Variants in DEPDC5 observed in about 807,000 individuals in gnomAD.
DEPDC5 encodes DEP domain containing 5, GATOR1 subcomplex subunit, also known as GATOR1 complex protein DEPDC5.
Under a neutral mutation model 217.3 loss-of-function variants are expected in DEPDC5, and 73 were observed. That is an observed-to-expected ratio of 0.34 (90% CI 0.28 to 0.41). The LOEUF (loss-of-function observed/expected upper bound fraction) is 0.41. DEPDC5 is among the 10% of genes least tolerant of loss of function. The pLI is 1.00. For missense variants in DEPDC5, 1,675 were observed against 2,070.1 expected (o/e 0.81, Z 3.70); for synonymous variants, 733 against 756.7 (o/e 0.97, Z 0.51).
At chr22:31,769,241 C>G (rs2083110929) in intron 7 of DEPDC5, 1 of 134,410 alleles carries the variant, frequency 7.4e-6, no homozygotes, top group South Asian at 2.3e-4. Context: ...GCCTGGACGA[C>G]AGAGCAAAAC....
At chr22:31,771,261 G>A (rs1274805795) in intron 7 of DEPDC5, among the ~76,000 whole-genome samples, 1 of 152,024 alleles carries the variant, frequency 6.6e-6, no homozygotes, top group African/African-American at 2.4e-5. Flanking sequence ...ATGAAATACT[G>A]ATCCTAAAAA....
intron 25 of DEPDC5, among the ~76,000 whole-genome samples, chr22:31,835,874 G>A (rs1287660471): frequency 6.6e-6 from 1 of 152,212 alleles, no homozygotes; most frequent in African/African-American, 2.4e-5. Context: ...CTGTGACTTA[G>A]CACACAAATT....
At chr22:31,770,942 C>G (rs974285220) in intron 7 of DEPDC5, among the ~76,000 whole-genome samples, 6 of 151,204 alleles carry the variant, frequency 4.0e-5, no homozygotes, top group African/African-American at 1.5e-4. Flanking sequence ...GCCACCATGC[C>G]CGGCTAATTT....
chr22:31,872,900 G>A (rs539404503), intron 34 of DEPDC5, among the ~76,000 whole-genome samples: 1 of 151,970 alleles, frequency 6.6e-6, no homozygotes, highest in East Asian at 1.9e-4. Flanking sequence ...GACAACAGGC[G>A]CACGTCACCA....
chr22:31,813,141 G>A (rs573236328), intron 20 of DEPDC5, among the ~76,000 whole-genome samples: 1 of 152,194 alleles, frequency 6.6e-6, no homozygotes, highest in African/African-American at 2.4e-5. Context: ...ATTGTTTTCT[G>A]CCCTTTTCTC....
At chr22:31,761,770 C>T (rs890337958) in intron 4 of DEPDC5, among the ~76,000 whole-genome samples, 9 of 151,588 alleles carry the variant, frequency 5.9e-5, no homozygotes, top group Admixed American at 5.3e-4. Flanking sequence ...GAGTTTGCGA[C>T]CAGCCTGGGC....
intron 20 of DEPDC5, among the ~76,000 whole-genome samples, chr22:31,811,798 A>G (rs560115911): frequency 5.3e-5 from 8 of 151,538 alleles, no homozygotes; most frequent in South Asian, 4.2e-4. Flanking sequence ...CTCCCGCCTT[A>G]GTCTCCAAAA....
At chr22:31,876,621 G>A (rs2092998501) in intron 37 of DEPDC5, among the ~76,000 whole-genome samples, 1 of 152,098 alleles carries the variant, frequency 6.6e-6, no homozygotes, top group Non-Finnish European at 1.5e-5. Flanking sequence ...ATTATCATGG[G>A]CTCCAGTCTG....
chr22:31,837,386 T>C (rs1452806767), intron 26 of DEPDC5: 2 of 565,856 alleles, frequency 3.5e-6, no homozygotes, highest in Non-Finnish European at 6.1e-6. Flanking sequence ...GGTCTCACTC[T>C]GTCGCTCGGG....
At chr22:31,754,792 C>G in intron 1 of DEPDC5, 70 bp from the exon 2 acceptor site, 1 of 1,020,916 alleles carries the variant, frequency 9.8e-7, no homozygotes, top group Non-Finnish European at 1.5e-6. Flanking sequence ...TCTTCACTGG[C>G]CTAAAATCAA....
chr22:31,798,612 C>T lies in DEPDC5; in HGVS notation c.902C>T (p.Ser301Leu). ...EGFPQGDNST[S>L]AQGNYLEAIN... ...TTTCCTCAAGGAGATAATTCTACCT[C>T]AGCACAAGGAAACTACCTGGAGGCC... Residue 301 changes from serine to leucine, a missense_variant, in exon 14 of 43, where the codon TCA becomes TTA. Ser to Leu is a moderately radical substitution (Grantham distance 145). Coordinates refer to ENST00000651528, the MANE Select transcript of DEPDC5 (RefSeq NM_001242896.3). 3 of 1,611,628 alleles carry T rather than the reference C, an allele frequency of 1.9e-6. No individual in the cohort carries two copies. Among genetic ancestry groups the T allele is most frequent in the Non-Finnish European group, 2.5e-6 (3 of 1,178,422 alleles).
At chr22:31,864,522 A>ATATATATATATATATATATATT (rs2092625514) in intron 33 of DEPDC5, among the ~76,000 whole-genome samples, 1 of 133,020 alleles carries the variant, frequency 7.5e-6, no homozygotes, top group Non-Finnish European at 1.6e-5. Flanking sequence ...ATATATATAT[A>ATATATATATATATATATATATT]TATTTATATA....
At position 31,815,018 on chromosome 22, in the gene DEPDC5, G is replaced by GTCGAAAGAGTGCCAGC; in HGVS notation, c.1475_1490dup (p.Cys498LysfsTer7). On this transcript the variant is annotated frameshift_variant, in exon 21 of 43. Transcript: ENST00000651528. LOFTEE classifies it high-confidence loss of function. ...TCTGTGCGAGAGCGAGAGAGTCACA[G>GTCGAAAGAGTGCCAGC]TCGAAAGAGTGCCAGCTCCTGTGAT... 1.2e-6 allele frequency: 2 copies of GTCGAAAGAGTGCCAGC among 1,614,082 alleles called. No homozygotes were observed. The highest frequency in any genetic ancestry group is 1.7e-6 in the Non-Finnish European group (2 of 1,180,004).
chr22:31,774,378 T>C (rs2083628222), intron 7 of DEPDC5, among the ~76,000 whole-genome samples: 1 of 151,730 alleles, frequency 6.6e-6, no homozygotes. Flanking sequence ...TTTGTGTTTT[T>C]AGTAGAGATG....
intron 20 of DEPDC5, among the ~76,000 whole-genome samples, chr22:31,813,413 G>C (rs1191324683): frequency 1.3e-5 from 2 of 152,148 alleles, no homozygotes; most frequent in African/African-American, 4.8e-5. Context: ...ATGGCTAAGC[G>C]TATACTGGTG....
At chr22:31,765,260 C>G (rs919692942) in intron 5 of DEPDC5, among the ~76,000 whole-genome samples, 200 bp downstream of exon 5, 1 of 152,096 alleles carries the variant, frequency 6.6e-6, no homozygotes, top group African/African-American at 2.4e-5. Context: ...CCAGCCTGAG[C>G]AGCATAGTTA....
At chr22:31,827,148 G>C (rs2090215256) in intron 24 of DEPDC5, among the ~76,000 whole-genome samples, 1 of 152,054 alleles carries the variant, frequency 6.6e-6, no homozygotes, top group African/African-American at 2.4e-5. Flanking sequence ...ATATTGTTAA[G>C]TGGGGTCATC....
intron 7 of DEPDC5, among the ~76,000 whole-genome samples, chr22:31,771,610 C>T (rs2083359709): frequency 6.6e-6 from 1 of 151,802 alleles, no homozygotes; most frequent in African/African-American, 2.4e-5. Flanking sequence ...GTCCCAGCTA[C>T]TCGGGAGGCT....
chr22:31,755,238 A>C, intron 2 of DEPDC5: 2 of 497,892 alleles, frequency 4.0e-6, no homozygotes, highest in Non-Finnish European at 7.1e-6. Flanking sequence ...ATTAATTACA[A>C]ATCTTCCGTG....
Sources: gnomAD v4.1 joint callset for allele counts (sites outside exome capture counted in the v4.1 genomes callset) on GRCh38, gnomAD v4.1.1 for gene constraint, MANE v1.5 for transcripts, NCBI Gene and HGNC (gene_info 2026-07-23, HGNC 2026-07-21) for gene names.